Variants in CLIC5 observed in about 807,000 individuals in gnomAD.
CLIC5 encodes chloride intracellular channel protein 5.
Under a neutral mutation model 24.7 loss-of-function variants are expected in CLIC5, and 20 were observed. That is an observed-to-expected ratio of 0.81 (90% CI 0.57 to 1.18). The LOEUF (loss-of-function observed/expected upper bound fraction) is 1.18, where lower values mean the gene tolerates loss of function less well. Among genes scored for constraint, CLIC5 ranks in the 50% most tolerant of loss-of-function variants. CLIC5 has a pLI of 0.00. For missense variants in CLIC5, 341 were observed against 326.1 expected, an observed-to-expected ratio of 1.05 and a Z score of -0.35; for synonymous variants, 159 against 135.6, an observed-to-expected ratio of 1.17 and a Z score of -1.20.
At chr6:45,993,748 C>T (rs1766027341) in intron 1 of CLIC5, among the ~76,000 whole-genome samples, 2 of 152,148 alleles carry the variant, frequency 1.3e-5, no homozygotes, top group African/African-American at 4.8e-5. Context: ...ACAAGGGCCA[C>T]TAGAGTGGGA....
chr6:46,128,591 A>G, the CLIC5 span, among the ~76,000 whole-genome samples: 24 of 152,130 alleles, frequency 1.6e-4, no homozygotes, highest in South Asian at 2.1e-4. Flanking sequence ...CGCTTTCCTC[A>G]TTCATTTGAT....
intron 1 of CLIC5, among the ~76,000 whole-genome samples, chr6:46,035,431 C>G (rs1355951126): frequency 6.6e-6 from 1 of 152,126 alleles, no homozygotes; most frequent in South Asian, 2.1e-4. Flanking sequence ...GGCTATTGTC[C>G]GATGCCTCAA....
At chr6:46,037,518 C>A (rs1171949171) in intron 1 of CLIC5, among the ~76,000 whole-genome samples, 1 of 152,216 alleles carries the variant, frequency 6.6e-6, no homozygotes, top group African/African-American at 2.4e-5. Flanking sequence ...GTCACTTAAA[C>A]TTCCTGATTT....
intron 1 of CLIC5, among the ~76,000 whole-genome samples, chr6:46,075,670 G>A (rs1762747588): frequency 6.6e-6 from 1 of 152,144 alleles, no homozygotes; most frequent in African/African-American, 2.4e-5. Flanking sequence ...GACAAATGGT[G>A]TTTATTTGTA....
the CLIC5 span, among the ~76,000 whole-genome samples, chr6:46,104,744 T>C: frequency 6.6e-6 from 1 of 151,788 alleles, no homozygotes; most frequent in Non-Finnish European, 1.5e-5. Flanking sequence ...AAGACCAAAT[T>C]GAAAGAAAGA....
chr6:46,060,487 T>C (rs980282902), intron 1 of CLIC5, among the ~76,000 whole-genome samples: 1 of 152,164 alleles, frequency 6.6e-6, no homozygotes, highest in Non-Finnish European at 1.5e-5. Context: ...GAATTTTACA[T>C]ATATAAACTC....
chr6:46,019,340 T>C (rs1481483337), upstream of CLIC5, among the ~76,000 whole-genome samples: 2 of 152,150 alleles, frequency 1.3e-5, no homozygotes, highest in Admixed American at 1.3e-4. Context: ...ACAATGTTAT[T>C]GATAAATTAA....
At chr6:46,106,893 C>T in the CLIC5 span, among the ~76,000 whole-genome samples, 3 of 152,266 alleles carry the variant, frequency 2.0e-5, no homozygotes, top group South Asian at 2.1e-4. Context: ...AGTTTGAATC[C>T]AAATGCCTTT....
At chr6:46,096,751 CACA>C in the CLIC5 span, among the ~76,000 whole-genome samples, 15 of 152,036 alleles carry the variant, frequency 9.9e-5, no homozygotes, top group Admixed American at 5.9e-4. Flanking sequence ...ATTACTGATA[CACA>C]ACAACAACAA....
intron 4 of CLIC5, chr6:45,914,638 G>C (rs1762951239): frequency 1.2e-6 from 1 of 817,806 alleles, no homozygotes; most frequent in African/African-American, 1.8e-5. Flanking sequence ...CTAATCTTTT[G>C]CTTTGAAAAA....
upstream of CLIC5, among the ~76,000 whole-genome samples, chr6:46,017,036 T>C (rs1404541235): frequency 6.6e-6 from 1 of 152,242 alleles, no homozygotes; most frequent in Non-Finnish European, 1.5e-5. Context: ...ACAGACACTT[T>C]TCTCTTGGAT....
downstream of CLIC5, among the ~76,000 whole-genome samples, chr6:45,893,556 C>A (rs114890840): frequency 6.6e-6 from 1 of 152,278 alleles, no homozygotes; most frequent in Non-Finnish European, 1.5e-5. Flanking sequence ...AGAGCAGGGC[C>A]TGCCAGCTCT....
chr6:46,067,233 C>T (rs913351403), intron 1 of CLIC5, among the ~76,000 whole-genome samples: 16 of 151,936 alleles, frequency 1.1e-4, no homozygotes, highest in Admixed American at 8.5e-4. Flanking sequence ...GCTCAGTGCC[C>T]CCACAGGACA....
upstream of CLIC5, among the ~76,000 whole-genome samples, chr6:46,084,259 C>A (rs1317611427): frequency 5.9e-5 from 9 of 152,180 alleles, no homozygotes; most frequent in East Asian, 1.5e-3. Flanking sequence ...TTAATTGGAG[C>A]ATTTAGTCCA....
intron 1 of CLIC5, among the ~76,000 whole-genome samples, chr6:46,054,012 C>T (rs1456419714): frequency 2.6e-5 from 4 of 152,050 alleles, no homozygotes; most frequent in Non-Finnish European, 5.9e-5. Context: ...TATTCAAAAC[C>T]TTTGACTGAG....
intron 1 of CLIC5, among the ~76,000 whole-genome samples, chr6:45,968,090 A>G (rs1021238838): frequency 7.9e-5 from 12 of 152,130 alleles, no homozygotes; most frequent in African/African-American, 2.7e-4. Flanking sequence ...TTCTTCCTCC[A>G]TTCTGAGGAC....
intron 1 of CLIC5, among the ~76,000 whole-genome samples, chr6:45,978,073 G>C (rs1331204917): frequency 2.6e-5 from 4 of 152,222 alleles, no homozygotes; most frequent in Admixed American, 2.6e-4. Flanking sequence ...TCTTGGGAAA[G>C]TTTCCTGGCT....
intron 4 of CLIC5, among the ~76,000 whole-genome samples, chr6:45,939,954 T>C (rs972957631): frequency 2.0e-5 from 3 of 152,124 alleles, no homozygotes; most frequent in African/African-American, 7.2e-5. Context: ...GAAAGTACTT[T>C]CCACATGCTT....
chr6:45,960,569 G>A (rs1764812475), intron 1 of CLIC5, among the ~76,000 whole-genome samples: 1 of 152,148 alleles, frequency 6.6e-6, no homozygotes, highest in African/African-American at 2.4e-5. Flanking sequence ...GGCTCAGCAT[G>A]CAACCCCCCT....
Sources: gnomAD v4.1 joint callset for allele counts (sites outside exome capture counted in the v4.1 genomes callset) on GRCh38, gnomAD v4.1.1 for gene constraint, MANE v1.5 for transcripts, NCBI Gene and HGNC (gene_info 2026-07-23, HGNC 2026-07-21) for gene names.